PIP5K1B: variants seen among roughly 807,000 people sequenced by gnomAD.
PIP5K1B encodes the protein phosphatidylinositol 4-phosphate 5-kinase type-1 beta.
PIP5K1B carries 42 observed loss-of-function variants against 67.0 expected under a neutral mutation model. The observed-to-expected ratio is 0.63, with a 90% confidence interval of 0.49 to 0.81. The LOEUF (loss-of-function observed/expected upper bound fraction) is 0.81. PIP5K1B is among the 30% of genes least tolerant of loss of function. The pLI, the probability that PIP5K1B is intolerant of heterozygous loss-of-function variation, is 0.00. For synonymous variants in PIP5K1B, 214 were observed against 231.4 expected (o/e 0.92, Z 0.68); for missense variants, 459 against 646.3 (o/e 0.71, Z 3.14).
intron 2 of PIP5K1B, among the ~76,000 whole-genome samples, chr9:68,813,949 G>A (rs1005900396): frequency 1.3e-5 from 2 of 152,190 alleles, no homozygotes; most frequent in African/African-American, 4.8e-5. Context: ...CCAGACTGTC[G>A]TACTTTGTAG....
chr9:68,928,558 G>C (rs1826826033), intron 12 of PIP5K1B, among the ~76,000 whole-genome samples: 1 of 151,990 alleles, frequency 6.6e-6, no homozygotes, highest in African/African-American at 2.4e-5. Flanking sequence ...TATTCATTTT[G>C]GTGTATGAAG....
Position 68,934,921 on chromosome 9 carries a change from C to T in PIP5K1B, c.1233C>T (p.Cys411=). The stretch of plus-strand genomic sequence containing the variant: ...AGGCTTCACCGTCTAAGAAACGGTG[C>T]AATTCAATCGCCGCCCTAAAGGCCA... ...ALKASPSKKR[C]NSIAALKATS... Residue 411 remains cysteine (C), a synonymous_variant, in exon 13 of 16, where the codon TGC becomes TGT. Transcript: ENST00000265382. 1 of 1,612,414 alleles carries T rather than the reference C, an allele frequency of 6.2e-7. No individual in the cohort carries two copies. Among genetic ancestry groups the T allele is most frequent in the Non-Finnish European group, 8.5e-7 (1 of 1,178,988 alleles).
At chr9:68,997,975 T>C (rs883751) in intron 15 of PIP5K1B, among the ~76,000 whole-genome samples, 35,173 of 150,836 alleles carry the variant, frequency 0.23, 4,373 homozygotes, top group Non-Finnish European at 0.28. Flanking sequence ...CTTTTTTTCT[T>C]TTTTTTTTTC....
intron 7 of PIP5K1B, among the ~76,000 whole-genome samples, chr9:68,891,199 A>C (rs924340133): frequency 6.6e-6 from 1 of 152,214 alleles, no homozygotes; most frequent in African/African-American, 2.4e-5. Context: ...GCAGTGAACT[A>C]TGATCAAGCC....
chr9:68,788,754 G>A, intron 2 of PIP5K1B: 1 of 270,740 alleles, frequency 3.7e-6, no homozygotes, highest in Middle Eastern at 5.5e-4. Context: ...CACTCCCTCT[G>A]TGGTCTTCCC....
rs910543563 is a variant in PIP5K1B at position 68,780,078 on chromosome 9, C to A, written c.-86+37421C>A. On this transcript the variant is annotated intron_variant, in intron 2 of 15. Coordinates refer to ENST00000265382, the MANE Select transcript of PIP5K1B (RefSeq NM_003558.4). Reference sequence around the variant, plus strand: ...CAGCCCGCTGACAGATTCTCGGTGGCGGCGGCAGCGGCGGCGGCCCTGGAC... The same window carrying A: ...CAGCCCGCTGACAGATTCTCGGTGGAGGCGGCAGCGGCGGCGGCCCTGGAC... The A allele has an allele frequency of 2.9e-6, 4 of 1,373,324 alleles. No individual in the cohort carries two copies. The African/African-American group carries it at 4.5e-5, about 15-fold the overall frequency. The allele number at this position is 1,373,324 out of a possible 1,614,324, so 85.1% of individuals were successfully genotyped here.
chr9:68,808,417 C>T lies in PIP5K1B; in HGVS notation c.-85-10044C>T, dbSNP rs530631784. ...CCGACTCCCAGCTTCCCCACCACCC[C>T]GACACTATCACCAGATACACACAGA... On this transcript the variant is annotated intron_variant, in intron 2 of 15. Transcript: ENST00000265382. Among the ~76,000 whole-genome samples, 12 of 152,204 alleles carry T rather than the reference C, an allele frequency of 7.9e-5. No homozygotes were observed. In the East Asian group the frequency reaches 1.3e-3, roughly 17 times the overall value.
chr9:68,845,228 G>A (rs1822128155), intron 4 of PIP5K1B, among the ~76,000 whole-genome samples: 1 of 152,206 alleles, frequency 6.6e-6, no homozygotes, highest in South Asian at 2.1e-4. Context: ...CTGCGTGTTG[G>A]TGATCCCAAA....
At chr9:68,847,519 G>A (rs1253133949) in intron 4 of PIP5K1B, among the ~76,000 whole-genome samples, 2 of 150,548 alleles carry the variant, frequency 1.3e-5, no homozygotes, top group Non-Finnish European at 3.0e-5. Context: ...AGGTTGCTGA[G>A]GGTTTCTTTG....
At chr9:68,718,579 C>G (rs910426007) in intron 1 of PIP5K1B, among the ~76,000 whole-genome samples, 1 of 152,226 alleles carries the variant, frequency 6.6e-6, no homozygotes, top group East Asian at 1.9e-4. Context: ...GGCTGTTTTA[C>G]TTCTAGAAAA....
intron 2 of PIP5K1B, among the ~76,000 whole-genome samples, chr9:68,811,662 C>T (rs1833175041): frequency 6.6e-6 from 1 of 152,168 alleles, no homozygotes; most frequent in Non-Finnish European, 1.5e-5. Flanking sequence ...GCCCTAAAAG[C>T]AATAGTGGCA....
chr9:68,855,353 T>A (rs1253070188), intron 4 of PIP5K1B, among the ~76,000 whole-genome samples: 1 of 152,174 alleles, frequency 6.6e-6, no homozygotes, highest in Non-Finnish European at 1.5e-5. Flanking sequence ...GGTTTTCTCA[T>A]TCAACCCCTT....
At chr9:68,871,400 G>A (rs1165220670) in intron 5 of PIP5K1B, among the ~76,000 whole-genome samples, 1 of 152,210 alleles carries the variant, frequency 6.6e-6, no homozygotes, top group Non-Finnish European at 1.5e-5. Context: ...CCTGGACTAT[G>A]ATTTATCTGC....
chr9:68,918,641 A>C (rs747404975), intron 9 of PIP5K1B, among the ~76,000 whole-genome samples: 4 of 152,232 alleles, frequency 2.6e-5, no homozygotes, highest in African/African-American at 4.8e-5. Context: ...CTAGCTGAGC[A>C]AGGAGACTGA....
chr9:68,824,830 C>T (rs1293715664), intron 4 of PIP5K1B, among the ~76,000 whole-genome samples: 1 of 152,174 alleles, frequency 6.6e-6, no homozygotes, highest in Non-Finnish European at 1.5e-5. Flanking sequence ...TAGGAGTTAG[C>T]TATTGCAAAT....
chr9:68,750,831 G>A (rs554034912), intron 2 of PIP5K1B, among the ~76,000 whole-genome samples: 2 of 152,282 alleles, frequency 1.3e-5, no homozygotes, highest in African/African-American at 4.8e-5. Flanking sequence ...TATTAGAGGG[G>A]ACAGTTTTTA....
At chr9:68,962,014 AG>A (rs1212905467) in intron 14 of PIP5K1B, among the ~76,000 whole-genome samples, 1 of 152,142 alleles carries the variant, frequency 6.6e-6, no homozygotes, top group African/African-American at 2.4e-5. Flanking sequence ...GCCTTTTGAG[AG>A]TTTTGTGAAT....
intron 4 of PIP5K1B, among the ~76,000 whole-genome samples, chr9:68,860,466 T>C (rs1167713962): frequency 6.6e-6 from 1 of 152,204 alleles, no homozygotes; most frequent in East Asian, 1.9e-4. Flanking sequence ...AAGTTTTTCC[T>C]TGGCTTACCC....
intron 14 of PIP5K1B, among the ~76,000 whole-genome samples, chr9:68,968,266 T>G (rs1490797263): frequency 6.6e-6 from 1 of 152,158 alleles, no homozygotes; most frequent in Non-Finnish European, 1.5e-5. Flanking sequence ...ACACCTGTAA[T>G]CCCCGCATTT....
Sources: allele counts gnomAD v4.1 joint callset (sites outside exome capture counted in the v4.1 genomes callset), GRCh38; gene constraint gnomAD v4.1.1; transcripts MANE v1.5; gene names NCBI Gene and HGNC (gene_info 2026-07-23, HGNC 2026-07-21).